Variants in LYPLAL1 observed in about 807,000 individuals in gnomAD.
LYPLAL1 encodes lysophospholipase-like protein 1.
LYPLAL1 carries 23 observed loss-of-function variants against 19.7 expected under a neutral mutation model. That is an observed-to-expected ratio of 1.17 (90% CI 0.84 to 1.65). The LOEUF (loss-of-function observed/expected upper bound fraction) is 1.65, where lower values mean the gene tolerates loss of function less well. Among genes scored for constraint, LYPLAL1 ranks in the 40% most tolerant of loss-of-function variants. The pLI, the probability that LYPLAL1 is intolerant of heterozygous loss-of-function variation, is 0.00. For synonymous variants in LYPLAL1, 119 were observed against 96.3 expected, an observed-to-expected ratio of 1.24 and a Z score of -1.38; for missense variants, 355 against 279.4, an observed-to-expected ratio of 1.27 and a Z score of -1.93.
At chr1:219,250,992 G>A in the LYPLAL1 span, among the ~76,000 whole-genome samples, 1 of 152,010 alleles carries the variant, frequency 6.6e-6, no homozygotes, top group South Asian at 2.1e-4. Flanking sequence ...TCCAATAATA[G>A]CCATTCTGAC....
At chr1:219,237,305 A>G in the LYPLAL1 span, among the ~76,000 whole-genome samples, 1 of 152,232 alleles carries the variant, frequency 6.6e-6, no homozygotes, top group African/African-American at 2.4e-5. Flanking sequence ...TGCAACGGAA[A>G]TGTATCCCTT....
chr1:219,240,979 T>G, the LYPLAL1 span, among the ~76,000 whole-genome samples: 1,263 of 151,424 alleles, frequency 8.3e-3, 26 homozygotes, highest in African/African-American at 0.029. Context: ...GAAGATCACT[T>G]GAGCCCAGGG....
intron 1 of LYPLAL1, among the ~76,000 whole-genome samples, chr1:219,176,234 C>T (rs950399529): frequency 1.3e-5 from 2 of 152,124 alleles, no homozygotes; most frequent in Admixed American, 6.6e-5. Flanking sequence ...GAGTTTTGTT[C>T]AGTCTCTCAG....
At chr1:219,275,686 TC>T in the LYPLAL1 span, among the ~76,000 whole-genome samples, 2 of 152,078 alleles carry the variant, frequency 1.3e-5, no homozygotes, top group Admixed American at 1.3e-4. Context: ...ATTATATATT[TC>T]ATCTCAAATT....
the LYPLAL1 span, among the ~76,000 whole-genome samples, chr1:219,287,609 A>G: frequency 2.0e-5 from 3 of 152,350 alleles, no homozygotes; most frequent in Admixed American, 6.5e-5. Context: ...GAGAATGTGG[A>G]ACAACAGGAA....
chr1:219,346,486 C>T, the LYPLAL1 span, among the ~76,000 whole-genome samples: 1,005 of 143,824 alleles, frequency 7.0e-3, 17 homozygotes, highest in African/African-American at 0.025. Context: ...TTCAAAAAAG[C>T]CATAAACATC....
At chr1:219,336,585 T>G in the LYPLAL1 span, among the ~76,000 whole-genome samples, 1 of 151,972 alleles carries the variant, frequency 6.6e-6, no homozygotes, top group Non-Finnish European at 1.5e-5. Context: ...CTGAGTTCCT[T>G]GGGCCAGCAA....
At chr1:219,401,354 T>C in the LYPLAL1 span, among the ~76,000 whole-genome samples, 1 of 149,758 alleles carries the variant, frequency 6.7e-6, no homozygotes, top group African/African-American at 2.4e-5. Flanking sequence ...TTTTTTTAAT[T>C]GCCACTTAAC....
the LYPLAL1 span, among the ~76,000 whole-genome samples, chr1:219,327,499 G>A: frequency 6.6e-6 from 1 of 152,124 alleles, no homozygotes; most frequent in African/African-American, 2.4e-5. Context: ...GATACTGGGT[G>A]CTTGGAGGGG....
At chr1:219,329,967 G>C in the LYPLAL1 span, among the ~76,000 whole-genome samples, 2 of 151,678 alleles carry the variant, frequency 1.3e-5, no homozygotes, top group Admixed American at 6.6e-5. Context: ...AAAGCACTAA[G>C]TTGCCATTTA....
At chr1:219,178,035 C>T (rs1049758861) in intron 1 of LYPLAL1, among the ~76,000 whole-genome samples, 1 of 152,202 alleles carries the variant, frequency 6.6e-6, no homozygotes, top group Non-Finnish European at 1.5e-5. Flanking sequence ...CACTTCTCAC[C>T]ATCCTGTAGA....
chr1:219,396,768 CTGATTTGGATAAAGT>C, the LYPLAL1 span, among the ~76,000 whole-genome samples: 1 of 152,032 alleles, frequency 6.6e-6, no homozygotes, highest in South Asian at 2.1e-4. Context: ...TTTTTGTGCA[CTGATTTGGATAAAGT>C]TGTTTATCAT....
chr1:219,363,215 G>A, the LYPLAL1 span, among the ~76,000 whole-genome samples: 1 of 152,102 alleles, frequency 6.6e-6, no homozygotes, highest in East Asian at 1.9e-4. Flanking sequence ...ACTGTTGCTA[G>A]GAATGTCTAT....
chr1:219,198,196 G>C (rs930292031), intron 3 of LYPLAL1, among the ~76,000 whole-genome samples: 1 of 152,036 alleles, frequency 6.6e-6, no homozygotes, highest in Admixed American at 6.6e-5. Flanking sequence ...CTCCAGGGTA[G>C]TTTTCTGATT....
chr1:219,399,530 C>T, the LYPLAL1 span, among the ~76,000 whole-genome samples: 14 of 152,188 alleles, frequency 9.2e-5, no homozygotes, highest in East Asian at 7.8e-4. Context: ...CATGCGCTGG[C>T]GAAGCAATGT....
At chr1:219,443,119 G>A in the LYPLAL1 span, among the ~76,000 whole-genome samples, 4 of 151,232 alleles carry the variant, frequency 2.6e-5, no homozygotes, top group South Asian at 2.1e-4. Context: ...AAAATTTAAC[G>A]CCTGAATGAT....
At chr1:219,444,350 A>G in the LYPLAL1 span, among the ~76,000 whole-genome samples, 1 of 152,204 alleles carries the variant, frequency 6.6e-6, no homozygotes, top group Admixed American at 6.5e-5. Context: ...TTGTGTACAC[A>G]GGTAGAAAAG....
intron 2 of LYPLAL1, among the ~76,000 whole-genome samples, chr1:219,181,059 C>T: frequency 6.6e-6 from 1 of 152,050 alleles, no homozygotes; most frequent in African/African-American, 2.4e-5. Flanking sequence ...CTTGATACCA[C>T]ATTATAAAAA....
the LYPLAL1 span, among the ~76,000 whole-genome samples, chr1:219,225,157 T>G: frequency 3.3e-5 from 5 of 152,188 alleles, no homozygotes; most frequent in African/African-American, 1.2e-4. Context: ...GCACTCATCC[T>G]AGTTCCAGAT....
Sources: gnomAD v4.1 joint callset for allele counts (sites outside exome capture counted in the v4.1 genomes callset) on GRCh38, gnomAD v4.1.1 for gene constraint, MANE v1.5 for transcripts, NCBI Gene and HGNC (gene_info 2026-07-23, HGNC 2026-07-21) for gene names.